BDP1: variants seen among roughly 807,000 people sequenced by gnomAD.
The protein encoded by BDP1 is BDP1 general transcription factor IIIB subunit.
A neutral mutation model predicts 266.6 loss-of-function variants in BDP1; 169 were observed. That is an observed-to-expected ratio of 0.63 (90% CI 0.56 to 0.72). The LOEUF (loss-of-function observed/expected upper bound fraction) is 0.72, where lower values mean the gene tolerates loss of function less well. Ranked by LOEUF, BDP1 falls within the 30% of genes least tolerant of loss-of-function variation. The pLI is 0.00. For missense variants in BDP1, 3,015 were observed against 3,053.8 expected (o/e 0.99, Z 0.30); for synonymous variants, 1,090 against 1,022.4 (o/e 1.07, Z -1.26).
intron 9 of BDP1, 107 bp downstream of exon 9, chr5:71,486,734 A>C: frequency 2.6e-4 from 226 of 869,610 alleles, no homozygotes; most frequent in Non-Finnish European, 3.4e-4. Flanking sequence ...AGTTAAGATC[A>C]TCAAAGCATC....
intron 26 of BDP1, among the ~76,000 whole-genome samples, chr5:71,534,049 CT>C (rs1186821621): frequency 1.3e-5 from 2 of 152,042 alleles, no homozygotes; most frequent in African/African-American, 4.8e-5. Flanking sequence ...GTGGGGTTGT[CT>C]TTTCACTTTC....
intron 25 of BDP1, among the ~76,000 whole-genome samples, chr5:71,527,271 A>G (rs1386385063): frequency 6.6e-6 from 1 of 152,094 alleles, no homozygotes; most frequent in Admixed American, 6.5e-5. Flanking sequence ...TAGCCTGGCA[A>G]AAAACCAAGA....
chr5:71,470,837 CA>C (rs753320333), intron 7 of BDP1, among the ~76,000 whole-genome samples: 1 of 151,654 alleles, frequency 6.6e-6, no homozygotes, highest in Non-Finnish European at 1.5e-5. Context: ...TTAATCCCCC[CA>C]TCTTGGCCTC....
At chr5:71,562,647 C>A in intron 38 of BDP1, 127 bp downstream of exon 38, 1 of 1,478,796 alleles carries the variant, frequency 6.8e-7, no homozygotes, top group Non-Finnish European at 9.2e-7. Context: ...AACTCCCATC[C>A]TTCTCTCCAT....
Position 71,491,107 on chromosome 5 carries a change from G to C in BDP1, c.1616G>C (p.Arg539Thr). The C allele has an allele frequency of 6.2e-7, 1 of 1,613,992 alleles. No individual in the cohort carries two copies. The highest frequency in any genetic ancestry group is 8.5e-7 in the Non-Finnish European group (1 of 1,179,936). Residue 539 changes from arginine to threonine, a missense_variant, in exon 11 of 39, where the codon AGA (arginine) becomes ACA (threonine). Arg to Thr is a moderately conservative substitution (Grantham distance 71). Around this residue, in one of 3 missense-constraint regions of BDP1, gnomAD observed 2,383 missense variants for 2,404.9 expected, o/e 0.99. Coordinates refer to ENST00000358731, the MANE Select transcript of BDP1 (RefSeq NM_018429.3). ...GCCTCCACTGAAAAAGTTGAGAAAA[G>C]AACTGACCCCATCCTTTCATTAAGG... The part of the protein sequence containing the change: ...GFASTEKVEK[R>T]TDPILSLSNQ...
At position 71,510,135 on chromosome 5, in the gene BDP1, A is replaced by C. The variant is rs187541686; in HGVS notation, c.3043A>C (p.Thr1015Pro). 425 of 1,614,028 alleles carry C rather than the reference A, an allele frequency of 2.6e-4. 1 individual carries two copies. In the African/African-American group the frequency reaches 4.9e-3, roughly 19 times the overall value. ...VDEMETDLNA[T>P]GRESSPREKT... Reference sequence around the variant, plus strand: ...TGAAATGGAGACAGATTTGAACGCAACTGGAAGAGAGAGTTCTCCAAGGGA... The same window carrying C: ...TGAAATGGAGACAGATTTGAACGCACCTGGAAGAGAGAGTTCTCCAAGGGA... The change falls in exon 17 of 39, where the codon ACT (threonine) becomes CCT (proline). Residue 1015 changes from threonine to proline, a missense_variant. By Grantham distance (38) the Thr-to-Pro change is conservative. Around this residue, in one of 3 missense-constraint regions of BDP1, gnomAD observed 2,383 missense variants for 2,404.9 expected, o/e 0.99. Coordinates refer to ENST00000358731, the MANE Select transcript of BDP1 (RefSeq NM_018429.3).
chr5:71,552,465 A>G (rs1193606986), intron 34 of BDP1, among the ~76,000 whole-genome samples: 1 of 152,386 alleles, frequency 6.6e-6, no homozygotes, highest in East Asian at 1.9e-4. Flanking sequence ...AGGCCAAGGC[A>G]GGCGGCTGGG....
At chr5:71,476,914 A>G (rs1401764848) in intron 7 of BDP1, among the ~76,000 whole-genome samples, 1 of 152,116 alleles carries the variant, frequency 6.6e-6, no homozygotes, top group African/African-American at 2.4e-5. Flanking sequence ...CCTGTTAGCC[A>G]GGATGGTCTT....
At chr5:71,562,702 G>T (rs2112116626) in intron 38 of BDP1, 182 bp downstream of exon 38, 3 of 1,489,088 alleles carry the variant, frequency 2.0e-6, no homozygotes, top group Non-Finnish European at 2.7e-6. Flanking sequence ...GAGTCAGGAA[G>T]TTACAGTTAG....
At chr5:71,499,539 T>C (rs923916451) in intron 13 of BDP1, among the ~76,000 whole-genome samples, 2 of 152,050 alleles carry the variant, frequency 1.3e-5, no homozygotes, top group African/African-American at 2.4e-5. Context: ...GAACCACTTG[T>C]ACCCGGAAGG....
the BDP1 span, among the ~76,000 whole-genome samples, chr5:71,574,595 A>T: frequency 2.0e-5 from 3 of 152,220 alleles, no homozygotes; most frequent in East Asian, 5.8e-4. Flanking sequence ...TACCCACAGG[A>T]TACATGGGAC....
chr5:71,571,054 A>G (rs533323910), downstream of BDP1, among the ~76,000 whole-genome samples: 2 of 152,344 alleles, frequency 1.3e-5, no homozygotes, highest in African/African-American at 2.4e-5. Context: ...TTTATATAGC[A>G]TTCATATTGT....
Position 71,545,172 on chromosome 5 carries a change from A to G in BDP1, c.6697A>G (p.Ile2233Val). 3 of 1,613,932 alleles carry G rather than the reference A, an allele frequency of 1.9e-6. No individual in the cohort carries two copies. Among genetic ancestry groups the G allele is most frequent in the Non-Finnish European group, 1.7e-6 (2 of 1,179,978 alleles). ...LGENSVEEPQ[I>V]KDSKGDSVLT... Reference sequence around the variant, plus strand: ...TGAAAATTCTGTTGAAGAGCCCCAGATAAAGGACTCTAAAGGAGACAGTGT... The same window carrying G: ...TGAAAATTCTGTTGAAGAGCCCCAGGTAAAGGACTCTAAAGGAGACAGTGT... The change falls in exon 32 of 39, where the codon ATA becomes GTA. Residue 2233 changes from isoleucine (I) to valine (V), a missense_variant. This residue lies in a region of BDP1 where 629 missense variants were observed against 632.5 expected (regional missense o/e 0.99). Coordinates refer to ENST00000358731, the MANE Select transcript of BDP1 (RefSeq NM_018429.3).
chr5:71,506,952 C>T (rs1764622731), intron 16 of BDP1, among the ~76,000 whole-genome samples: 1 of 152,016 alleles, frequency 6.6e-6, no homozygotes, highest in Admixed American at 6.6e-5. Flanking sequence ...TCCCAAGTAG[C>T]TGGGACTACA....
Position 71,455,842 on chromosome 5 carries a change from C to T in BDP1, c.-36C>T. The stretch of plus-strand genomic sequence containing the variant: ...CGCCGGGGCTCGGGGCTGTGAGCGG[C>T]CGTGAGGCTGCCTCCCCGGGCCCCC... On this transcript the variant is annotated 5_prime_UTR_variant, in exon 1 of 39. Coordinates refer to ENST00000358731, the MANE Select transcript of BDP1 (RefSeq NM_018429.3). 1 of 1,533,452 alleles carries T rather than the reference C, an allele frequency of 6.5e-7. No homozygotes were observed. Among genetic ancestry groups the T allele is most frequent in the Non-Finnish European group, 8.8e-7 (1 of 1,136,122 alleles). The allele number at this position is 1,533,452 out of a possible 1,614,324, so 95.0% of individuals were successfully genotyped here.
intron 12 of BDP1, among the ~76,000 whole-genome samples, 198 bp downstream of exon 12, chr5:71,495,606 AG>A (rs1159185453): frequency 6.6e-6 from 1 of 152,174 alleles, no homozygotes; most frequent in Non-Finnish European, 1.5e-5. Context: ...ATTTCTTTGC[AG>A]AAAGATTCTC....
rs186162724 is a variant in BDP1 at position 71,532,897 on chromosome 5, C to T, written c.5892+470C>T. 5.5e-4 allele frequency among the ~76,000 whole-genome samples: 84 copies of T among 152,266 alleles called. 1 individual carries two copies. In the East Asian group the frequency reaches 9.5e-3, roughly 17 times the overall value. ...AGTCAATTTTAGGACATTTTCATCA[C>T]CTCAAAAAGAAACCTTATTAGCAGT... On this transcript the variant is annotated intron_variant, in intron 26 of 38. Coordinates refer to ENST00000358731, the MANE Select transcript of BDP1 (RefSeq NM_018429.3).
At chr5:71,572,728 C>T (rs927631566), downstream of BDP1, among the ~76,000 whole-genome samples, 1 of 152,164 alleles carries the variant, frequency 6.6e-6, no homozygotes, top group Non-Finnish European at 1.5e-5. Flanking sequence ...CTTATTAAAA[C>T]TCTTGATGTG....
Position 71,455,801 on chromosome 5 carries a change from C to G in BDP1, c.-77C>G. On this transcript the variant is annotated 5_prime_UTR_variant, in exon 1 of 39. The change creates a new upstream start codon in the 5' untranslated region. Transcript: ENST00000358731. ...TTGTGGGGAGGGCGTAGTTCCTAAT[C>G]CCCTTTCCGGGCAGCCGCCGGGGCT... The G allele has an allele frequency of 7.7e-7, 1 of 1,297,090 alleles. No homozygotes were observed. The highest frequency in any genetic ancestry group is 1.4e-5 in the South Asian group (1 of 70,610). The allele number at this position is 1,297,090 out of a possible 1,614,324, so 80.3% of individuals were successfully genotyped here. A position where few individuals can be genotyped will look rare whatever the true frequency, so the allele number is the denominator to read the frequency against.
Sources: gnomAD v4.1 joint callset for allele counts (sites outside exome capture counted in the v4.1 genomes callset) on GRCh38, gnomAD v4.1.1 for gene constraint, gnomAD v4.1.1 regional missense constraint, MANE v1.5 for transcripts, NCBI Gene and HGNC (gene_info 2026-07-23, HGNC 2026-07-21) for gene names.